The following ANKRD44 variants were observed in gnomAD, a reference collection of about 807,000 sequenced individuals.
The protein encoded by ANKRD44 is ankyrin repeat domain 44.
ANKRD44 carries 35 observed loss-of-function variants against 116.0 expected under a neutral mutation model. The ratio of observed to expected loss-of-function variants is 0.30; its 90% CI spans 0.23 to 0.40. ANKRD44 has a LOEUF of 0.40. Among genes scored for constraint, ANKRD44 ranks in the 10% least tolerant of loss-of-function variants. The pLI, the probability that ANKRD44 is intolerant of heterozygous loss-of-function variation, is 1.00. For synonymous variants in ANKRD44, 435 were observed against 461.8 expected, an observed-to-expected ratio of 0.94 and a Z score of 0.74; for missense variants, 1,014 against 1,242.6, an observed-to-expected ratio of 0.82 and a Z score of 2.77.
chr2:197,141,558 C>G (rs1383274177), intron 3 of ANKRD44, among the ~76,000 whole-genome samples: 2 of 152,134 alleles, frequency 1.3e-5, no homozygotes, highest in African/African-American at 4.8e-5. Context: ...TGACCCACAC[C>G]CGGGGTGTAA....
intron 17 of ANKRD44, among the ~76,000 whole-genome samples, chr2:197,017,184 A>G (rs992549666): frequency 6.6e-6 from 1 of 152,188 alleles, no homozygotes; most frequent in African/African-American, 2.4e-5. Flanking sequence ...AATCTATCAA[A>G]CTTTTTAAAA....
chr2:197,065,533 C>T (rs1202730783), intron 16 of ANKRD44, among the ~76,000 whole-genome samples: 3 of 152,024 alleles, frequency 2.0e-5, no homozygotes, highest in African/African-American at 7.2e-5. Context: ...GAAAAGATAA[C>T]ACAATTGATA....
chr2:196,991,102 G>T (rs1375300167), intron 27 of ANKRD44, among the ~76,000 whole-genome samples: 1 of 152,180 alleles, frequency 6.6e-6, no homozygotes, highest in Non-Finnish European at 1.5e-5. Flanking sequence ...TGAGGCTAGA[G>T]GGGGAGGGAG....
chr2:196,968,959 A>G (rs1315229041), intron 21 of ANKRD44, among the ~76,000 whole-genome samples: 2 of 152,180 alleles, frequency 1.3e-5, no homozygotes, highest in African/African-American at 2.4e-5. Context: ...AATGTTGGTT[A>G]ATACTGATTT....
chr2:196,968,267 G>C (rs2075689284), intron 21 of ANKRD44, among the ~76,000 whole-genome samples: 1 of 152,170 alleles, frequency 6.6e-6, no homozygotes, highest in African/African-American at 2.4e-5. Context: ...GAAAATATTA[G>C]ATTTCCTCAA....
intron 8 of ANKRD44, among the ~76,000 whole-genome samples, chr2:197,119,063 TA>T (rs2078791179): frequency 6.6e-6 from 1 of 152,198 alleles, no homozygotes; most frequent in South Asian, 2.1e-4. Context: ...ATATCAAGCA[TA>T]TTAACTATTT....
chr2:197,205,042 A>G (rs1452664751), intron 1 of ANKRD44, among the ~76,000 whole-genome samples: 1 of 152,234 alleles, frequency 6.6e-6, no homozygotes, highest in Admixed American at 6.5e-5. Context: ...CTACATAACC[A>G]GGATTCCTGC....
At chr2:197,192,156 A>G (rs2080840069) in intron 1 of ANKRD44, among the ~76,000 whole-genome samples, 1 of 152,196 alleles carries the variant, frequency 6.6e-6, no homozygotes, top group South Asian at 2.1e-4. Context: ...ACTGTATAGT[A>G]TATTTCACTT....
chr2:197,258,270 C>CTTT (rs71395680), intron 1 of ANKRD44, among the ~76,000 whole-genome samples: 2,572 of 79,226 alleles, frequency 0.032, 107 homozygotes, highest in African/African-American at 0.06. Flanking sequence ...TTGGCTAATC[C>CTTT]TTTTTTTTTT....
intron 4 of ANKRD44, among the ~76,000 whole-genome samples, chr2:197,128,019 T>C (rs578202388): frequency 1.3e-5 from 2 of 152,236 alleles, no homozygotes; most frequent in Non-Finnish European, 2.9e-5. Flanking sequence ...TATGGCTGCA[T>C]AGTATTCCAT....
intron 2 of ANKRD44, among the ~76,000 whole-genome samples, chr2:197,170,200 A>AAAAC (rs1202046540): frequency 5.8e-5 from 8 of 137,500 alleles, no homozygotes; most frequent in Non-Finnish European, 1.2e-4. Context: ...CAAAAAAAAA[A>AAAAC]AAAAAAAAAA....
intron 1 of ANKRD44, among the ~76,000 whole-genome samples, chr2:197,206,112 C>T (rs190231168): frequency 3.9e-5 from 6 of 152,044 alleles, no homozygotes; most frequent in African/African-American, 1.4e-4. Context: ...AATGGATTGG[C>T]GGAGAGAACA....
At chr2:197,257,449 G>C (rs1226429888) in intron 1 of ANKRD44, among the ~76,000 whole-genome samples, 1 of 150,880 alleles carries the variant, frequency 6.6e-6, no homozygotes, top group African/African-American at 2.4e-5. Flanking sequence ...ATAAAACTTC[G>C]GGGAAAAAAA....
intron 6 of ANKRD44, among the ~76,000 whole-genome samples, chr2:197,124,398 C>T (rs1255477380): frequency 6.6e-6 from 1 of 152,162 alleles, no homozygotes; most frequent in Non-Finnish European, 1.5e-5. Context: ...CATCCACAAT[C>T]ATAAATCCCC....
chr2:196,983,070 A>G (rs1190053718), downstream of ANKRD44, among the ~76,000 whole-genome samples: 1 of 152,094 alleles, frequency 6.6e-6, no homozygotes, highest in Non-Finnish European at 1.5e-5. Context: ...ACAAATACCT[A>G]ATGCATGCGG....
chr2:196,996,977 T>C (rs1043660563), intron 25 of ANKRD44, among the ~76,000 whole-genome samples: 82 of 151,062 alleles, frequency 5.4e-4, no homozygotes, highest in African/African-American at 1.9e-3. Flanking sequence ...CTTAAAGTAA[T>C]GAGTAAGGAT....
chr2:197,288,019 C>CAAAAAAAAAAAAA (rs10666895), intron 1 of ANKRD44, among the ~76,000 whole-genome samples: 3 of 81,668 alleles, frequency 3.7e-5, no homozygotes, highest in Non-Finnish European at 6.9e-5. Context: ...GACTCAGTCT[C>CAAAAAAAAAAAAA]AAAAAAAAAA....
intron 1 of ANKRD44, among the ~76,000 whole-genome samples, chr2:197,226,549 A>G (rs987647069): frequency 3.3e-5 from 5 of 152,176 alleles, no homozygotes; most frequent in African/African-American, 1.2e-4. Context: ...CTGTAGTCCC[A>G]GCTACTCGGG....
intron 16 of ANKRD44, among the ~76,000 whole-genome samples, chr2:197,071,219 C>T (rs571833593): frequency 2.8e-4 from 42 of 152,210 alleles, no homozygotes; most frequent in African/African-American, 1.0e-3. Context: ...CTGCCTCCAT[C>T]TTTATATCAA....
Sources: allele counts gnomAD v4.1 joint callset (sites outside exome capture counted in the v4.1 genomes callset), GRCh38; gene constraint gnomAD v4.1.1; transcripts MANE v1.5; gene names NCBI Gene and HGNC (gene_info 2026-07-23, HGNC 2026-07-21).